Variants in CDH13 observed in about 807,000 individuals in gnomAD.
CDH13 encodes the protein cadherin-13.
In CDH13, 24 loss-of-function variants were observed where a neutral mutation model predicts 63.8. The observed-to-expected ratio is 0.38, with a 90% CI of 0.27 to 0.53. The LOEUF (loss-of-function observed/expected upper bound fraction) is 0.53. CDH13 is among the 20% of genes least tolerant of loss of function. CDH13 has a pLI of 0.85. For synonymous variants in CDH13, 503 were observed against 355.3 expected (o/e 1.42, Z -4.67); for missense variants, 1,049 against 903.1 (o/e 1.16, Z -2.07).
chr16:83,009,539 A>G (rs1019283656), intron 2 of CDH13, among the ~76,000 whole-genome samples: 3 of 152,200 alleles, frequency 2.0e-5, no homozygotes, highest in African/African-American at 7.2e-5. Flanking sequence ...TGAGGATCAG[A>G]GATACCCTGC....
rs116554373 is a variant in CDH13, at chr16:83,066,899, G to A, written c.366+34681G>A. ...GTTAGAGTGAGTGCTTAAAGGCACT[G>A]GACTAAGAAAGCCTAACTTTACCAA... is the stretch of plus-strand genomic sequence containing the variant. On this transcript the variant is annotated intron_variant, in intron 3 of 13. Transcript: ENST00000567109. 4.5e-3 allele frequency among the ~76,000 whole-genome samples: 690 copies of A among 152,268 alleles called. 2 individuals are homozygous for A. Among genetic ancestry groups the A allele is most frequent in the African/African-American group, 0.016 (666 of 41,568 alleles).
chr16:82,938,117 G>C (rs1055305648), intron 2 of CDH13, among the ~76,000 whole-genome samples: 3 of 152,174 alleles, frequency 2.0e-5, no homozygotes, highest in African/African-American at 7.2e-5. Flanking sequence ...TTTTCCACTT[G>C]GCATTTATTT....
chr16:83,542,640 A>G (rs55710406), intron 7 of CDH13, among the ~76,000 whole-genome samples: 48,196 of 152,114 alleles, frequency 0.32, 8,932 homozygotes, highest in East Asian at 0.41. Context: ...TCCAGGGGAG[A>G]ATCCTTCCTT....
chr16:83,052,223 A>C (rs2030417580), intron 3 of CDH13, among the ~76,000 whole-genome samples: 1 of 152,196 alleles, frequency 6.6e-6, no homozygotes, highest in Admixed American at 6.5e-5. Context: ...GCACCTAATG[A>C]TACATTATTT....
chr16:83,234,242 TG>T (rs2040083670), intron 5 of CDH13, among the ~76,000 whole-genome samples: 1 of 152,186 alleles, frequency 6.6e-6, no homozygotes, highest in African/African-American at 2.4e-5. Flanking sequence ...TTCTCATAAA[TG>T]TTACCTAGGT....
At chr16:83,039,724 C>T (rs76168893) in intron 3 of CDH13, among the ~76,000 whole-genome samples, 4,496 of 152,138 alleles carry the variant, frequency 0.03, 90 homozygotes, top group Non-Finnish European at 0.044. Context: ...GAGCGAGTTA[C>T]CCCTCTCACA....
chr16:83,371,099 A>C (rs2091358379), intron 6 of CDH13, among the ~76,000 whole-genome samples: 1 of 152,250 alleles, frequency 6.6e-6, no homozygotes, highest in Non-Finnish European at 1.5e-5. Flanking sequence ...AATGTAAGTT[A>C]GTTCAGACGC....
intron 7 of CDH13, among the ~76,000 whole-genome samples, chr16:83,528,570 A>C (rs978248077): frequency 6.6e-6 from 1 of 152,178 alleles, no homozygotes; most frequent in Non-Finnish European, 1.5e-5. Context: ...TATTACATAA[A>C]TCTTATTTCA....
At chr16:83,263,481 C>G (rs1279961331) in intron 5 of CDH13, among the ~76,000 whole-genome samples, 1 of 152,152 alleles carries the variant, frequency 6.6e-6, no homozygotes, top group East Asian at 1.9e-4. Context: ...GAATGGAACT[C>G]AGATCATTAA....
intron 10 of CDH13, among the ~76,000 whole-genome samples, chr16:83,708,811 G>A (rs1907552736): frequency 6.6e-6 from 1 of 152,110 alleles, no homozygotes; most frequent in Non-Finnish European, 1.5e-5. Context: ...GATCACTTGA[G>A]GCCAGGAGTT....
intron 10 of CDH13, among the ~76,000 whole-genome samples, chr16:83,711,592 C>T (rs1256302947): frequency 6.6e-6 from 1 of 152,114 alleles, no homozygotes; most frequent in East Asian, 1.9e-4. Flanking sequence ...CTTGACTCAC[C>T]ACAACCTCTG....
chr16:82,929,153 A>G (rs1941351963), intron 2 of CDH13, among the ~76,000 whole-genome samples: 1 of 152,184 alleles, frequency 6.6e-6, no homozygotes, highest in Non-Finnish European at 1.5e-5. Context: ...ATTGTTCACT[A>G]AAGTATAGCA....
At chr16:83,628,936 G>C (rs1910551377) in intron 8 of CDH13, among the ~76,000 whole-genome samples, 1 of 152,180 alleles carries the variant, frequency 6.6e-6, no homozygotes. Context: ...AATCAGGATT[G>C]TTGTATTTGC....
At chr16:83,280,466 C>T (rs186172956) in intron 5 of CDH13, among the ~76,000 whole-genome samples, 25 of 152,328 alleles carry the variant, frequency 1.6e-4, no homozygotes, top group Admixed American at 4.6e-4. Context: ...TCCATCACAT[C>T]TGCAGTTCCT....
intron 4 of CDH13, among the ~76,000 whole-genome samples, chr16:83,127,876 A>G (rs1038751361): frequency 1.3e-5 from 2 of 152,202 alleles, no homozygotes; most frequent in African/African-American, 4.8e-5. Context: ...AGAGTCTGGG[A>G]CATGATACAA....
At chr16:83,723,497 C>G (rs1427488091) in intron 10 of CDH13, among the ~76,000 whole-genome samples, 1 of 152,142 alleles carries the variant, frequency 6.6e-6, no homozygotes, top group African/African-American at 2.4e-5. Context: ...TTCTCCCTTG[C>G]CCAGGCCTTC....
chr16:83,134,028 A>G (rs953071293), intron 4 of CDH13, among the ~76,000 whole-genome samples: 3 of 152,212 alleles, frequency 2.0e-5, no homozygotes, highest in African/African-American at 7.2e-5. Flanking sequence ...CTGATTAATT[A>G]AAGTGATCAT....
intron 6 of CDH13, among the ~76,000 whole-genome samples, chr16:83,423,569 G>C (rs1414325709): frequency 6.6e-6 from 1 of 152,016 alleles, no homozygotes; most frequent in Non-Finnish European, 1.5e-5. Context: ...GTTTATAACT[G>C]ATTTTCAGGT....
intron 6 of CDH13, among the ~76,000 whole-genome samples, chr16:83,406,136 C>A (rs1052500870): frequency 3.3e-5 from 5 of 152,178 alleles, no homozygotes; most frequent in African/African-American, 4.8e-5. Flanking sequence ...GGACAGGGGT[C>A]AGTGGATCAA....
Sources: gnomAD v4.1 joint callset for allele counts (sites outside exome capture counted in the v4.1 genomes callset) on GRCh38, gnomAD v4.1.1 for gene constraint, MANE v1.5 for transcripts, NCBI Gene and HGNC (gene_info 2026-07-23, HGNC 2026-07-21) for gene names.